The following KCNQ3 variants were observed in gnomAD, a reference collection of about 807,000 sequenced individuals.
KCNQ3 encodes potassium voltage-gated channel subfamily KQT member 3.
Under a neutral mutation model 92.5 loss-of-function variants are expected in KCNQ3, and 30 were observed. The ratio of observed to expected loss-of-function variants is 0.32; its 90% CI spans 0.24 to 0.44. The LOEUF (loss-of-function observed/expected upper bound fraction) is 0.44, where lower values mean the gene tolerates loss of function less well. KCNQ3 is among the 20% of genes least tolerant of loss of function. The pLI is 1.00. For missense variants in KCNQ3, 913 were observed against 1,140.3 expected (o/e 0.80, Z 2.87); for synonymous variants, 450 against 468.8 (o/e 0.96, Z 0.52).
At chr8:132,356,558 G>A (rs1020142174) in intron 1 of KCNQ3, among the ~76,000 whole-genome samples, 5 of 152,072 alleles carry the variant, frequency 3.3e-5, no homozygotes, top group Non-Finnish European at 7.4e-5. Flanking sequence ...CTCTAGTCTT[G>A]GAAACAGAAT....
At chr8:132,239,808 T>TC (rs1193318098) in intron 1 of KCNQ3, among the ~76,000 whole-genome samples, 1 of 152,228 alleles carries the variant, frequency 6.6e-6, no homozygotes. Context: ...ACAAGTCATT[T>TC]CAGCTCTCTG....
intron 1 of KCNQ3, among the ~76,000 whole-genome samples, chr8:132,206,961 T>C (rs1223873093): frequency 6.6e-6 from 1 of 152,188 alleles, no homozygotes; most frequent in Non-Finnish European, 1.5e-5. Flanking sequence ...ATAAACAGTC[T>C]TCCACTTAGT....
chr8:132,183,315 G>A (rs984596916), intron 3 of KCNQ3, among the ~76,000 whole-genome samples: 2 of 152,156 alleles, frequency 1.3e-5, no homozygotes, highest in Non-Finnish European at 2.9e-5. Flanking sequence ...TACTTGAAGA[G>A]TGTCAGAGGA....
chr8:132,347,068 G>A (rs1390755981), intron 1 of KCNQ3, among the ~76,000 whole-genome samples: 1 of 152,172 alleles, frequency 6.6e-6, no homozygotes, highest in Non-Finnish European at 1.5e-5. Context: ...ATTCACGCAG[G>A]TAGGATACCT....
At chr8:132,470,675 T>A (rs1378217782) in intron 1 of KCNQ3, among the ~76,000 whole-genome samples, 1 of 152,258 alleles carries the variant, frequency 6.6e-6, no homozygotes, top group Non-Finnish European at 1.5e-5. Flanking sequence ...GTTCAACTTT[T>A]CTTAATTATC....
intron 1 of KCNQ3, among the ~76,000 whole-genome samples, chr8:132,410,879 C>T (rs938457052): frequency 2.6e-5 from 4 of 152,214 alleles, no homozygotes; most frequent in East Asian, 1.9e-4. Flanking sequence ...GGGCTTCATA[C>T]AGCAGCCATC....
At chr8:132,443,200 T>C (rs1012665299) in intron 1 of KCNQ3, among the ~76,000 whole-genome samples, 2 of 152,148 alleles carry the variant, frequency 1.3e-5, no homozygotes, top group African/African-American at 4.8e-5. Context: ...TTTGTCAGGT[T>C]AGCTTTTGTA....
intron 1 of KCNQ3, among the ~76,000 whole-genome samples, chr8:132,246,706 G>A (rs943494920): frequency 2.0e-5 from 3 of 152,148 alleles, no homozygotes; most frequent in African/African-American, 7.2e-5. Flanking sequence ...AGCACTTCCT[G>A]CCTTTATTTG....
chr8:132,231,024 G>C (rs1242952206), intron 1 of KCNQ3, among the ~76,000 whole-genome samples: 3 of 152,178 alleles, frequency 2.0e-5, no homozygotes, highest in African/African-American at 7.2e-5. Flanking sequence ...TTTGGACACA[G>C]AGACAGACAT....
At chr8:132,476,296 G>C (rs1822410568) in intron 1 of KCNQ3, among the ~76,000 whole-genome samples, 1 of 152,228 alleles carries the variant, frequency 6.6e-6, no homozygotes. Flanking sequence ...ATGGGACACT[G>C]CCTAGTTGGA....
At chr8:132,173,103 C>T (rs1321482761) in intron 6 of KCNQ3, among the ~76,000 whole-genome samples, 1 of 152,218 alleles carries the variant, frequency 6.6e-6, no homozygotes, top group Non-Finnish European at 1.5e-5. Context: ...GTAATGTTAA[C>T]TGAGTTTTAA....
chr8:132,147,305 A>T (rs1042905972), intron 9 of KCNQ3, among the ~76,000 whole-genome samples: 1 of 151,686 alleles, frequency 6.6e-6, no homozygotes, highest in Non-Finnish European at 1.5e-5. Context: ...TTGCACAGAT[A>T]AGTTGTGCAA....
At chr8:132,225,304 G>T (rs1814376657) in intron 1 of KCNQ3, among the ~76,000 whole-genome samples, 1 of 152,190 alleles carries the variant, frequency 6.6e-6, no homozygotes, top group South Asian at 2.1e-4. Context: ...AGCCAGAGTT[G>T]AAAGTATTCA....
chr8:132,255,422 T>G (rs188227030), intron 1 of KCNQ3, among the ~76,000 whole-genome samples: 91 of 152,128 alleles, frequency 6.0e-4, no homozygotes, highest in African/African-American at 2.2e-3. Context: ...TTGGGGAAAA[T>G]AAGAAGTTAA....
At chr8:132,202,774 C>T (rs954846180) in intron 1 of KCNQ3, among the ~76,000 whole-genome samples, 2 of 152,164 alleles carry the variant, frequency 1.3e-5, no homozygotes, top group Non-Finnish European at 2.9e-5. Context: ...ACCTCTGCCT[C>T]CCGGGTTCAA....
At chr8:132,464,409 T>C (rs1822126979) in intron 1 of KCNQ3, among the ~76,000 whole-genome samples, 1 of 152,220 alleles carries the variant, frequency 6.6e-6, no homozygotes, top group African/African-American at 2.4e-5. Context: ...AAAAAGACTT[T>C]GTATCCAGAG....
chr8:132,457,407 CTT>C (rs1463419207), intron 1 of KCNQ3, among the ~76,000 whole-genome samples: 16 of 152,194 alleles, frequency 1.1e-4, no homozygotes, highest in African/African-American at 2.2e-4. Context: ...AGCTTCATCT[CTT>C]GTTTCATCCT....
chr8:132,178,832 C>A (rs1826654433), intron 4 of KCNQ3, among the ~76,000 whole-genome samples: 1 of 151,472 alleles, frequency 6.6e-6, no homozygotes, highest in Non-Finnish European at 1.5e-5. Context: ...GTCAAATTGC[C>A]CAGGGCTCAC....
At chr8:132,221,759 C>T (rs62519653) in intron 1 of KCNQ3, among the ~76,000 whole-genome samples, 2 of 152,064 alleles carry the variant, frequency 1.3e-5, no homozygotes, top group Non-Finnish European at 2.9e-5. Context: ...AGAAATAACA[C>T]CACACATCTA....
Sources: allele counts gnomAD v4.1 joint callset (sites outside exome capture counted in the v4.1 genomes callset), GRCh38; gene constraint gnomAD v4.1.1; transcripts MANE v1.5; gene names NCBI Gene and HGNC (gene_info 2026-07-23, HGNC 2026-07-21).